Variants in SPOCK1 observed in about 807,000 individuals in gnomAD.
SPOCK1 encodes the protein testican-1.
In SPOCK1, 23 loss-of-function variants were observed where a neutral mutation model predicts 55.3. That is an observed-to-expected ratio of 0.42 (90% CI 0.30 to 0.59). The LOEUF is 0.59. Among genes scored for constraint, SPOCK1 ranks in the 20% least tolerant of loss-of-function variants. SPOCK1 has a pLI of 0.22. For synonymous variants in SPOCK1, 226 were observed against 221.0 expected (o/e 1.02, Z -0.20); for missense variants, 499 against 552.5 (o/e 0.90, Z 0.97).
chr5:137,203,311 G>T (rs1357805202), intron 3 of SPOCK1, among the ~76,000 whole-genome samples: 1 of 151,478 alleles, frequency 6.6e-6, no homozygotes, highest in Non-Finnish European at 1.5e-5. Context: ...CATCATCGAG[G>T]GAAAAAGTGG....
chr5:137,074,924 C>T (rs759544246), intron 5 of SPOCK1, among the ~76,000 whole-genome samples: 5 of 152,102 alleles, frequency 3.3e-5, no homozygotes, highest in Non-Finnish European at 5.9e-5. Context: ...AGGATGGTCT[C>T]GATCTCCTGA....
intron 4 of SPOCK1, among the ~76,000 whole-genome samples, chr5:137,113,976 A>G (rs1265324718): frequency 6.6e-6 from 1 of 152,230 alleles, no homozygotes; most frequent in Non-Finnish European, 1.5e-5. Context: ...CATAAAGCCA[A>G]GAGGACCGTT....
At chr5:137,478,253 A>G (rs751047102) in intron 2 of SPOCK1, among the ~76,000 whole-genome samples, 2 of 152,204 alleles carry the variant, frequency 1.3e-5, no homozygotes, top group African/African-American at 2.4e-5. Flanking sequence ...CTAAGTCATA[A>G]TAAATGCCAG....
chr5:137,445,951 C>T (rs1299366188), intron 2 of SPOCK1, among the ~76,000 whole-genome samples: 1 of 152,172 alleles, frequency 6.6e-6, no homozygotes, highest in Admixed American at 6.5e-5. Context: ...GCACAAAATA[C>T]AAACTGTGAC....
At chr5:137,190,281 C>G (rs540955689) in intron 3 of SPOCK1, among the ~76,000 whole-genome samples, 17 of 152,218 alleles carry the variant, frequency 1.1e-4, no homozygotes, top group African/African-American at 3.6e-4. Context: ...GTGAAAGAGT[C>G]AATCAATGTA....
At chr5:137,449,753 G>C (rs909130389) in intron 2 of SPOCK1, among the ~76,000 whole-genome samples, 5 of 149,152 alleles carry the variant, frequency 3.4e-5, no homozygotes, top group African/African-American at 1.2e-4. Flanking sequence ...AAAATAGCCA[G>C]GTGTAGTGGC....
intron 2 of SPOCK1, among the ~76,000 whole-genome samples, chr5:137,401,308 G>C (rs1486014041): frequency 6.6e-6 from 1 of 152,146 alleles, no homozygotes; most frequent in Non-Finnish European, 1.5e-5. Flanking sequence ...CAAAATGATA[G>C]CTAATAAAAG....
intron 3 of SPOCK1, among the ~76,000 whole-genome samples, chr5:137,183,834 T>G (rs961949581): frequency 6.6e-6 from 1 of 152,232 alleles, no homozygotes; most frequent in Non-Finnish European, 1.5e-5. Flanking sequence ...AGAATCAGAC[T>G]GCCTGGATTA....
intron 2 of SPOCK1, among the ~76,000 whole-genome samples, chr5:137,483,342 T>C (rs1295674723): frequency 2.6e-5 from 4 of 152,048 alleles, no homozygotes; most frequent in South Asian, 4.2e-4. Context: ...GAAATAAAAA[T>C]AAAAAATAAA....
intron 2 of SPOCK1, among the ~76,000 whole-genome samples, chr5:137,344,992 C>T (rs1750524819): frequency 6.6e-6 from 1 of 152,150 alleles, no homozygotes; most frequent in African/African-American, 2.4e-5. Flanking sequence ...CTCAAAGAAC[C>T]ACACACGCTC....
chr5:137,122,059 C>A (rs189713988), intron 4 of SPOCK1, among the ~76,000 whole-genome samples: 2 of 151,750 alleles, frequency 1.3e-5, no homozygotes, highest in East Asian at 1.9e-4. Context: ...AATAGGATGA[C>A]GTGACCACGT....
At chr5:137,298,569 A>G (rs1470626401) in intron 2 of SPOCK1, among the ~76,000 whole-genome samples, 3 of 152,214 alleles carry the variant, frequency 2.0e-5, no homozygotes, top group Non-Finnish European at 2.9e-5. Context: ...CTGATTGTCC[A>G]TCAATTGCTG....
At chr5:136,996,438 C>A in intron 6 of SPOCK1, among the ~76,000 whole-genome samples, 1 of 152,152 alleles carries the variant, frequency 6.6e-6, no homozygotes. Context: ...CCAAGACCTG[C>A]TTTCTTGTGC....
intron 3 of SPOCK1, among the ~76,000 whole-genome samples, chr5:137,203,308 G>A (rs956496318): frequency 5.9e-5 from 9 of 151,758 alleles, no homozygotes; most frequent in Admixed American, 1.3e-4. Flanking sequence ...CCTCATCATC[G>A]AGGGAAAAAG....
intron 2 of SPOCK1, among the ~76,000 whole-genome samples, chr5:137,270,305 C>A (rs562133375): frequency 1.3e-5 from 2 of 152,050 alleles, no homozygotes; most frequent in Non-Finnish European, 2.9e-5. Context: ...TTGCAAGGAG[C>A]CCAGCAACAG....
intron 6 of SPOCK1, among the ~76,000 whole-genome samples, chr5:137,048,737 G>A (rs1445346543): frequency 4.3e-4 from 44 of 101,874 alleles, no homozygotes; most frequent in African/African-American, 1.4e-3. Context: ...TCCTAGTCTC[G>A]ATGGTCTTTA....
chr5:137,336,722 C>G lies in SPOCK1; in HGVS notation c.187-69667G>C, dbSNP rs77329292. On this transcript the variant is annotated intron_variant, in intron 2 of 10. Transcript: ENST00000394945. ...TTCTAGCCTGAATGAGTTTTTGTGA[C>G]TTACATCCAAAGGAGGCTTGGATAA... is the stretch of plus-strand genomic sequence containing the variant. 7.4e-4 allele frequency among the ~76,000 whole-genome samples: 113 copies of G among 152,312 alleles called. 3 individuals carry two copies. The East Asian group carries it at 0.02, about 27-fold the overall frequency.
chr5:137,294,597 C>A lies in SPOCK1; in HGVS notation c.187-27542G>T, dbSNP rs139633278. On this transcript the variant is annotated intron_variant, in intron 2 of 10. Coordinates refer to ENST00000394945, the MANE Select transcript of SPOCK1 (RefSeq NM_004598.4). Reference sequence around the variant, plus strand: ...TCCCTTATCTCAAACTGACATTTTCCATTATTTTCCACATATCAGCTGGCA... The same window carrying A: ...TCCCTTATCTCAAACTGACATTTTCAATTATTTTCCACATATCAGCTGGCA... Among the ~76,000 whole-genome samples the A allele has an allele frequency of 9.6e-4, 146 of 152,312 alleles. 2 individuals carry two copies. The highest frequency in any genetic ancestry group is 3.3e-3 in the African/African-American group (137 of 41,560).
intron 3 of SPOCK1, among the ~76,000 whole-genome samples, chr5:137,229,502 T>G (rs1279265638): frequency 6.6e-6 from 1 of 152,128 alleles, no homozygotes; most frequent in African/African-American, 2.4e-5. Context: ...ACACTCTCAC[T>G]TGAATCACAA....
Sources: gnomAD v4.1 joint callset for allele counts (sites outside exome capture counted in the v4.1 genomes callset) on GRCh38, gnomAD v4.1.1 for gene constraint, MANE v1.5 for transcripts, NCBI Gene and HGNC (gene_info 2026-07-23, HGNC 2026-07-21) for gene names.